The following SGCZ variants were observed in gnomAD, a reference collection of about 807,000 sequenced individuals.
SGCZ encodes zeta-sarcoglycan.
Under a neutral mutation model 41.3 loss-of-function variants are expected in SGCZ, and 40 were observed. The ratio of observed to expected loss-of-function variants is 0.97; its 90% CI spans 0.75 to 1.26. SGCZ has a LOEUF of 1.26. SGCZ is among the 50% of genes most tolerant of loss of function. The probability of loss-of-function intolerance (pLI) is 0.00; values close to 1 mark genes in which losing one functional copy is unlikely to be tolerated. For synonymous variants in SGCZ, 206 were observed against 137.5 expected (o/e 1.50, Z -3.49); for missense variants, 552 against 369.8 (o/e 1.49, Z -4.04).
At chr8:15,134,058 C>T (rs1808016257) in intron 1 of SGCZ, among the ~76,000 whole-genome samples, 1 of 152,076 alleles carries the variant, frequency 6.6e-6, no homozygotes, top group Non-Finnish European at 1.5e-5. Context: ...TAATAAAATA[C>T]TTGATTAAGG....
At position 15,000,566 on chromosome 8, in the gene SGCZ, C is replaced by T. The variant is rs139709123; in HGVS notation, c.39+237019G>A. On this transcript the variant is annotated intron_variant, in intron 1 of 7. Transcript: ENST00000382080. Reference sequence around the variant, plus strand: ...GGGTGAGTGCCCCAGGAACCAGGGACTAGACATGTTCAAGATGGCGGCTCC... The same window carrying T: ...GGGTGAGTGCCCCAGGAACCAGGGATTAGACATGTTCAAGATGGCGGCTCC... Among the ~76,000 whole-genome samples the T allele has an allele frequency of 3.0e-3, 464 of 152,242 alleles. 4 individuals carry two copies. Among genetic ancestry groups the T allele is most frequent in the African/African-American group, 0.011 (448 of 41,554 alleles).
chr8:14,226,943 G>A (rs577369140), intron 4 of SGCZ, among the ~76,000 whole-genome samples: 4 of 152,012 alleles, frequency 2.6e-5, no homozygotes, highest in Admixed American at 6.6e-5. Context: ...AAACAGGTAT[G>A]GTCAATTTCT....
chr8:14,165,836 T>C (rs765060153), intron 4 of SGCZ, among the ~76,000 whole-genome samples: 1 of 152,144 alleles, frequency 6.6e-6, no homozygotes, highest in Non-Finnish European at 1.5e-5. Flanking sequence ...GTGTCGCTTC[T>C]AGTAGCACCA....
intron 2 of SGCZ, among the ~76,000 whole-genome samples, chr8:14,458,407 G>T (rs1016856815): frequency 6.6e-6 from 1 of 152,114 alleles, no homozygotes; most frequent in Non-Finnish European, 1.5e-5. Flanking sequence ...TTCTCACAGG[G>T]TTATGCGTAG....
At chr8:14,918,043 A>G (rs1205617936) in intron 1 of SGCZ, among the ~76,000 whole-genome samples, 2 of 152,156 alleles carry the variant, frequency 1.3e-5, no homozygotes, top group Non-Finnish European at 2.9e-5. Flanking sequence ...GCAAGTATAG[A>G]GATAGTAGCA....
At chr8:14,464,243 C>A (rs1800983685) in intron 2 of SGCZ, among the ~76,000 whole-genome samples, 1 of 151,226 alleles carries the variant, frequency 6.6e-6, no homozygotes, top group African/African-American at 2.4e-5. Flanking sequence ...GCCATCAAAT[C>A]TGGGGCTTTT....
chr8:14,224,811 G>A (rs142583402), intron 4 of SGCZ, among the ~76,000 whole-genome samples: 288 of 152,130 alleles, frequency 1.9e-3, no homozygotes, highest in Middle Eastern at 6.8e-3. Flanking sequence ...ATTCTTTCTT[G>A]GAAACACTTA....
intron 1 of SGCZ, among the ~76,000 whole-genome samples, chr8:15,047,659 G>C (rs868017971): frequency 1.3e-5 from 2 of 152,060 alleles, no homozygotes; most frequent in Middle Eastern, 3.4e-3. Flanking sequence ...AGTCTGTTTA[G>C]ATACTATAAA....
rs570589929 is a variant in SGCZ at position 14,458,730 on chromosome 8, A to C, written c.234+96002T>G. 3.1e-4 allele frequency among the ~76,000 whole-genome samples: 47 copies of C among 152,196 alleles called. 1 individual carries two copies. The highest frequency in any genetic ancestry group is 1.1e-3 in the African/African-American group (46 of 41,522). On this transcript the variant is annotated intron_variant, in intron 2 of 7. Coordinates refer to ENST00000382080, the MANE Select transcript of SGCZ (RefSeq NM_139167.4). The stretch of plus-strand genomic sequence containing the variant: ...CTACCTACCTACCTACCTATAATCT[A>C]TCTATTTCCCAGCTCTGTCTGCTAA...
chr8:14,621,518 CA>C (rs1300176190), intron 1 of SGCZ, among the ~76,000 whole-genome samples: 8 of 151,554 alleles, frequency 5.3e-5, no homozygotes, highest in Non-Finnish European at 8.8e-5. Context: ...AAACTCAAAA[CA>C]AAAAAAGAAA....
intron 2 of SGCZ, among the ~76,000 whole-genome samples, chr8:14,424,192 G>A (rs1008409990): frequency 2.0e-5 from 3 of 152,128 alleles, no homozygotes; most frequent in Non-Finnish European, 2.9e-5. Flanking sequence ...TGAAGTGTAA[G>A]GAGGGCGGGA....
At chr8:14,338,294 A>C (rs74696663) in intron 2 of SGCZ, among the ~76,000 whole-genome samples, 5,552 of 152,304 alleles carry the variant, frequency 0.036, 338 homozygotes, top group African/African-American at 0.13. Context: ...ATTTGCCCCA[A>C]CTATTAGGAG....
chr8:14,991,205 T>A (rs1335385328), intron 1 of SGCZ, among the ~76,000 whole-genome samples: 1 of 152,176 alleles, frequency 6.6e-6, no homozygotes, highest in Admixed American at 6.5e-5. Context: ...CATTGTTAAT[T>A]GCATTCTCAT....
chr8:14,426,446 A>G (rs184180702), intron 2 of SGCZ, among the ~76,000 whole-genome samples: 2 of 145,352 alleles, frequency 1.4e-5, no homozygotes, highest in Admixed American at 6.6e-5. Context: ...AAGTCAATGC[A>G]AATATGTGTA....
At chr8:14,770,574 CAT>C (rs1040184701) in intron 1 of SGCZ, among the ~76,000 whole-genome samples, 6 of 151,832 alleles carry the variant, frequency 4.0e-5, no homozygotes, top group Admixed American at 3.3e-4. Context: ...ATAAAGTATA[CAT>C]ATATGGTGTT....
At chr8:15,069,244 G>C (rs543678560) in intron 1 of SGCZ, among the ~76,000 whole-genome samples, 38 of 152,154 alleles carry the variant, frequency 2.5e-4, no homozygotes, top group African/African-American at 9.2e-4. Flanking sequence ...ATGATGCCCA[G>C]GTTGGTCTCA....
intron 1 of SGCZ, among the ~76,000 whole-genome samples, chr8:14,827,958 G>A (rs994915529): frequency 1.3e-5 from 2 of 152,052 alleles, no homozygotes; most frequent in African/African-American, 4.8e-5. Context: ...AAAGAACTAG[G>A]CAAAGTGTTC....
At chr8:14,391,747 G>A (rs553924848) in intron 2 of SGCZ, among the ~76,000 whole-genome samples, 3 of 152,150 alleles carry the variant, frequency 2.0e-5, no homozygotes, top group Admixed American at 1.3e-4. Flanking sequence ...CACAAGACTG[G>A]GTAATTTATA....
At chr8:14,218,080 C>T (rs1299933992) in intron 4 of SGCZ, among the ~76,000 whole-genome samples, 2 of 152,112 alleles carry the variant, frequency 1.3e-5, no homozygotes, top group Non-Finnish European at 2.9e-5. Context: ...GAAAGGATAT[C>T]TACTTGACCA....
Sources: allele counts gnomAD v4.1 joint callset (sites outside exome capture counted in the v4.1 genomes callset), GRCh38; gene constraint gnomAD v4.1.1; transcripts MANE v1.5; gene names NCBI Gene and HGNC (gene_info 2026-07-23, HGNC 2026-07-21).